Variants in TTC6 observed in about 807,000 individuals in gnomAD.
The protein encoded by TTC6 is tetratricopeptide repeat domain 6, also known as tetratricopeptide repeat protein 6.
TTC6 carries 172 observed loss-of-function variants against 210.4 expected under a neutral mutation model. The ratio of observed to expected loss-of-function variants is 0.82; its 90% confidence interval spans 0.72 to 0.93. TTC6 has a LOEUF of 0.93. Ranked by LOEUF, TTC6 falls within the 40% of genes least tolerant of loss-of-function variation. The pLI is 0.00. For missense variants in TTC6, 2,414 were observed against 2,318.1 expected, an observed-to-expected ratio of 1.04 and a Z score of -0.85; for synonymous variants, 804 against 819.6, an observed-to-expected ratio of 0.98 and a Z score of 0.32.
intron 3 of TTC6, among the ~76,000 whole-genome samples, chr14:37,689,214 C>A (rs1419411238): frequency 6.6e-6 from 1 of 151,676 alleles, no homozygotes; most frequent in African/African-American, 2.4e-5. Context: ...CAGAACTGAT[C>A]AAGCAGAAGG....
At chr14:37,821,772 CTTTTTTTTTTTT>C (rs35078384) in intron 26 of TTC6, among the ~76,000 whole-genome samples, 6 of 69,148 alleles carry the variant, frequency 8.7e-5, no homozygotes, top group Admixed American at 5.4e-4. Context: ...AAGAGCTAGT[CTTTTTTTTTTTT>C]TTTTTTTTTT....
chr14:37,838,456 G>C lies in TTC6; in HGVS notation c.5299-2989G>C, dbSNP rs138369371. The stretch of plus-strand genomic sequence containing the variant: ...AATACTGTTTTGCAGACTAACTTGA[G>C]GGTCCCTTTCAGATCGAAGATGAGT... On this transcript the variant is annotated intron_variant, in intron 29 of 30. Transcript: ENST00000553443. Among the ~76,000 whole-genome samples the C allele has an allele frequency of 4.6e-3, 706 of 152,244 alleles. 4 individuals are homozygous for C. The highest frequency in any genetic ancestry group is 0.016 in the African/African-American group (668 of 41,566).
At chr14:37,777,172 A>G (rs1231809071) in intron 14 of TTC6, among the ~76,000 whole-genome samples, 1 of 152,176 alleles carries the variant, frequency 6.6e-6, no homozygotes, top group African/African-American at 2.4e-5. Flanking sequence ...ATTTTCATGG[A>G]TGATATACTG....
chr14:37,708,591 T>G (rs566963353), intron 5 of TTC6, among the ~76,000 whole-genome samples: 9 of 152,206 alleles, frequency 5.9e-5, no homozygotes, highest in African/African-American at 9.6e-5. Flanking sequence ...TTTCTCTTTA[T>G]GCTTAATTCT....
At chr14:37,729,702 C>G (rs1478075779) in intron 7 of TTC6, among the ~76,000 whole-genome samples, 1 of 152,140 alleles carries the variant, frequency 6.6e-6, no homozygotes, top group Non-Finnish European at 1.5e-5. Context: ...TGAAGGTTCC[C>G]CCTGCCTACT....
intron 29 of TTC6, among the ~76,000 whole-genome samples, chr14:37,833,550 C>T (rs1405681221): frequency 6.6e-6 from 1 of 152,032 alleles, no homozygotes; most frequent in Non-Finnish European, 1.5e-5. Context: ...TTTTATTATC[C>T]ATTCAGTCAG....
At chr14:37,607,983 A>C (rs553807943) in intron 2 of TTC6, among the ~76,000 whole-genome samples, 1 of 152,316 alleles carries the variant, frequency 6.6e-6, no homozygotes, top group South Asian at 2.1e-4. Context: ...AAATTGCATA[A>C]CATTGTTTTA....
chr14:37,605,706 A>G (rs1407686028), intron 1 of TTC6, among the ~76,000 whole-genome samples: 2 of 152,200 alleles, frequency 1.3e-5, no homozygotes, highest in East Asian at 1.9e-4. Flanking sequence ...TCTCTAGTGT[A>G]TTACCATAGC....
exon 5 of TTC6, chr14:37,701,455 C>T (rs1326374581): frequency 2.6e-5 from 40 of 1,526,706 alleles, no homozygotes; most frequent in Non-Finnish European, 3.2e-5. Context: ...GGAAAGGCCA[C>T]GATACCCTGC....
chr14:37,691,172 A>G (rs2095802909), intron 3 of TTC6, among the ~76,000 whole-genome samples: 1 of 152,084 alleles, frequency 6.6e-6, no homozygotes, highest in African/African-American at 2.4e-5. Flanking sequence ...TGCACTAAAA[A>G]TACAAAAATT....
chr14:37,653,815 T>C (rs1336610609), intron 1 of TTC6, among the ~76,000 whole-genome samples: 10 of 152,234 alleles, frequency 6.6e-5, no homozygotes, highest in Non-Finnish European at 1.3e-4. Context: ...TGTCAACTTA[T>C]TCATATTTGT....
In TTC6 at chr14:37,750,915, A is replaced by G. The variant is rs527276398; in HGVS notation, c.2957-138A>G. On this transcript the variant is annotated intron_variant, in intron 12 of 30. Transcript: ENST00000553443. ...AAAAAATAAAATAAAATAGAATAAA[A>G]TAAGATAAACTAATAAGAAAGTGTA... 2.3e-4 allele frequency: 112 copies of G among 492,770 alleles called. No individual in the cohort carries two copies. In the South Asian group the frequency reaches 3.6e-3, roughly 16 times the overall value. The allele number at this position is 492,770 out of a possible 1,614,324, so 30.5% of individuals were successfully genotyped here.
intron 29 of TTC6, among the ~76,000 whole-genome samples, chr14:37,828,195 T>C (rs2096176753): frequency 6.6e-6 from 1 of 152,126 alleles, no homozygotes; most frequent in South Asian, 2.1e-4. Flanking sequence ...GGTCATTAGA[T>C]GATGATATTT....
rs897277122 is a variant in TTC6, at chr14:37,622,691, C to A, written c.627C>A (p.Ser209=). 4 of 1,534,970 alleles carry A rather than the reference C, an allele frequency of 2.6e-6. No individual in the cohort carries two copies. The South Asian group carries it at 3.6e-5, about 14-fold the overall frequency. Residue 209 remains serine (S), a synonymous_variant, in exon 1 of 31, where the codon TCC becomes TCA. Coordinates refer to ENST00000553443, the Ensembl canonical transcript of TTC6. ...AAGAGAGGAAGGCCAGCTCCGTCTC[C>A]GCAGAGGACGGCTACATGGAGGCCA...
chr14:37,680,903 C>T (rs995875372), intron 2 of TTC6, among the ~76,000 whole-genome samples: 2 of 152,094 alleles, frequency 1.3e-5, no homozygotes, highest in Non-Finnish European at 2.9e-5. Flanking sequence ...CCCCCACATA[C>T]ATAAAATCGT....
intron 1 of TTC6, among the ~76,000 whole-genome samples, chr14:37,677,094 A>G (rs1434134057): frequency 6.6e-6 from 1 of 152,190 alleles, no homozygotes; most frequent in Middle Eastern, 3.4e-3. Flanking sequence ...TATTTCTGAA[A>G]AAAAGGCCCT....
intron 20 of TTC6, chr14:37,802,303 T>G (rs1273708375): frequency 1.3e-5 from 2 of 152,064 alleles, no homozygotes; most frequent in African/African-American, 2.4e-5. Flanking sequence ...AATACTTAGG[T>G]GGTGGGTTGG....
At chr14:37,796,235 CTT>C (rs1160191334) in intron 18 of TTC6, 57 bp from the exon 21 acceptor site, 10 of 752,814 alleles carry the variant, frequency 1.3e-5, no homozygotes, top group Non-Finnish European at 2.1e-5. Context: ...TTAGAAGAAA[CTT>C]TATTTTAGAA....
intron 8 of TTC6, among the ~76,000 whole-genome samples, chr14:37,736,699 T>C (rs2138925599): frequency 6.6e-6 from 1 of 152,292 alleles, no homozygotes; most frequent in East Asian, 1.9e-4. Flanking sequence ...TCCAATGACC[T>C]GAACTTTATG....
Sources: allele counts gnomAD v4.1 joint callset (sites outside exome capture counted in the v4.1 genomes callset), GRCh38; gene constraint gnomAD v4.1.1; transcripts MANE v1.5; gene names NCBI Gene and HGNC (gene_info 2026-07-23, HGNC 2026-07-21).